CAMSAP2: variants seen among roughly 807,000 people sequenced by gnomAD.
CAMSAP2 encodes calmodulin regulated spectrin associated protein family member 2, also known as calmodulin-regulated spectrin-associated protein 2.
CAMSAP2 carries 26 observed loss-of-function variants against 146.1 expected under a neutral mutation model. The observed-to-expected ratio is 0.18, with a 90% CI of 0.13 to 0.25. The LOEUF is 0.25. Among genes scored for constraint, CAMSAP2 ranks in the 10% least tolerant of loss-of-function variants. The probability of loss-of-function intolerance (pLI) is 1.00; values close to 1 mark genes in which losing one functional copy is unlikely to be tolerated. For synonymous variants in CAMSAP2, 499 were observed against 596.6 expected, an observed-to-expected ratio of 0.84 and a Z score of 2.38; for missense variants, 1,381 against 1,759.3, an observed-to-expected ratio of 0.78 and a Z score of 3.85.
In CAMSAP2 at chr1:200,817,249, TATGTGTGTGTATATACACAC is replaced by T. The variant is rs1268152286; in HGVS notation, c.645+1608_645+1627del. Among the ~76,000 whole-genome samples the T allele has an allele frequency of 2.4e-3, 26 of 10,850 alleles. 1 individual carries two copies. Among genetic ancestry groups the T allele is most frequent in the African/African-American group, 5.6e-3 (15 of 2,700 alleles). 7.1% of individuals were successfully genotyped at this position (10,850 alleles called of 152,430 possible). Reference sequence around the variant, plus strand: ...GTGTGTATATACACACATACACACATATGTGTGTGTATATACACACATATATATATATTTTCCCAGAATTC... The same window carrying T: ...GTGTGTATATACACACATACACACATATATATATATATTTTCCCAGAATTC... On this transcript the variant is annotated intron_variant, in intron 4 of 16. Transcript: ENST00000358823.
rs1270755725 is a variant in CAMSAP2 at position 200,827,680 on chromosome 1, T to TTATTTTTCTAAATAA, written c.646-4511_646-4510insAAATAATATTTTTCT. Among the ~76,000 whole-genome samples the TTATTTTTCTAAATAA allele has an allele frequency of 2.3e-3, 353 of 152,230 alleles. 1 individual carries two copies. The highest frequency in any genetic ancestry group is 8.1e-3 in the African/African-American group (335 of 41,570). On this transcript the variant is annotated intron_variant, in intron 4 of 16. Transcript: ENST00000358823. ...AGTTCTTGAAAATACCTTATTTATA[T>TTATTTTTCTAAATAA]TATTTTTCTGTTTATACGGAAAAAC...
chr1:200,752,434 G>A (rs1474614811), intron 1 of CAMSAP2, among the ~76,000 whole-genome samples: 1 of 151,902 alleles, frequency 6.6e-6, no homozygotes, highest in East Asian at 1.9e-4. Context: ...ACTCTTATAT[G>A]TCTTTGTGTA....
intron 2 of CAMSAP2, among the ~76,000 whole-genome samples, chr1:200,799,851 C>T (rs1423474030): frequency 6.6e-6 from 1 of 152,148 alleles, no homozygotes; most frequent in East Asian, 1.9e-4. Flanking sequence ...TAGCTGTGTT[C>T]CAGAGATTCT....
chr1:200,821,436 AC>A (rs1292404395), intron 4 of CAMSAP2, among the ~76,000 whole-genome samples: 1 of 151,922 alleles, frequency 6.6e-6, no homozygotes, highest in Admixed American at 6.6e-5. Flanking sequence ...GCCTGCCTTG[AC>A]CTCCAAAGTG....
At chr1:200,831,645 A>G (rs1230232864) in intron 4 of CAMSAP2, among the ~76,000 whole-genome samples, 2 of 147,234 alleles carry the variant, frequency 1.4e-5, no homozygotes, top group African/African-American at 5.0e-5. Flanking sequence ...TTTTTTTTTC[A>G]CTTTCAAAGT....
At chr1:200,836,704 A>T (rs941349475) in intron 6 of CAMSAP2, among the ~76,000 whole-genome samples, 1 of 152,164 alleles carries the variant, frequency 6.6e-6, no homozygotes, top group African/African-American at 2.4e-5. Context: ...TTACACTCCT[A>T]CCAACAGTGT....
At chr1:200,816,776 GTGTA>G (rs1452351786) in intron 4 of CAMSAP2, among the ~76,000 whole-genome samples, 1 of 115,968 alleles carries the variant, frequency 8.6e-6, no homozygotes, top group Non-Finnish European at 1.8e-5. Context: ...ACACACACGC[GTGTA>G]TATATGTGTG....
At chr1:200,833,237 C>A (rs1667090505) in intron 6 of CAMSAP2, among the ~76,000 whole-genome samples, 1 of 151,840 alleles carries the variant, frequency 6.6e-6, no homozygotes, top group South Asian at 2.1e-4. Flanking sequence ...CTACAAGTTT[C>A]TTTTATAGTG....
At chr1:200,852,434 T>C in intron 11 of CAMSAP2, 107 bp from the exon 12 acceptor site, 1 of 1,265,896 alleles carries the variant, frequency 7.9e-7, no homozygotes, top group Non-Finnish European at 1.1e-6. Context: ...TTGTAATAGT[T>C]CAAACTTTCA....
intron 2 of CAMSAP2, among the ~76,000 whole-genome samples, chr1:200,803,495 C>T (rs1383301156): frequency 2.0e-5 from 3 of 151,960 alleles, no homozygotes; most frequent in African/African-American, 7.2e-5. Context: ...ATCATAGCTC[C>T]AAACTGATTG....
chr1:200,826,580 A>AACGG (rs1666912673), intron 4 of CAMSAP2, among the ~76,000 whole-genome samples: 17 of 152,190 alleles, frequency 1.1e-4, no homozygotes, highest in Non-Finnish European at 1.5e-5. Context: ...GCCTGAGAGC[A>AACGG]CCTAGAAGTA....
chr1:200,752,703 C>T (rs1664541332), intron 1 of CAMSAP2, among the ~76,000 whole-genome samples: 1 of 151,778 alleles, frequency 6.6e-6, no homozygotes, highest in African/African-American at 2.4e-5. Flanking sequence ...CTGCAAGCTC[C>T]ACCTCCCAGG....
intron 4 of CAMSAP2, among the ~76,000 whole-genome samples, chr1:200,826,061 C>T (rs1444485377): frequency 1.3e-5 from 2 of 152,008 alleles, no homozygotes; most frequent in African/African-American, 4.8e-5. Context: ...TGACGAAATC[C>T]CCTCCAAAAG....
chr1:200,759,796 A>G (rs1368273113), intron 1 of CAMSAP2, among the ~76,000 whole-genome samples: 1 of 152,118 alleles, frequency 6.6e-6, no homozygotes, highest in African/African-American at 2.4e-5. Flanking sequence ...CAGAAGCCCT[A>G]CCTCTGGGGG....
intron 8 of CAMSAP2, among the ~76,000 whole-genome samples, 173 bp downstream of exon 8, chr1:200,845,042 C>T (rs987117399): frequency 1.3e-5 from 2 of 152,052 alleles, no homozygotes; most frequent in Admixed American, 6.5e-5. Context: ...TTGAAATATA[C>T]ACTGAAATGA....
At chr1:200,777,470 T>C (rs1360092005) in intron 2 of CAMSAP2, among the ~76,000 whole-genome samples, 1 of 152,226 alleles carries the variant, frequency 6.6e-6, no homozygotes, top group East Asian at 1.9e-4. Context: ...ATTGCCTTTT[T>C]TTCCTCCCTG....
intron 2 of CAMSAP2, among the ~76,000 whole-genome samples, chr1:200,766,806 C>G (rs1664966370): frequency 6.6e-6 from 1 of 152,146 alleles, no homozygotes; most frequent in Non-Finnish European, 1.5e-5. Context: ...GGTGTGCCAC[C>G]TGGAACTCTG....
intron 11 of CAMSAP2, among the ~76,000 whole-genome samples, chr1:200,851,551 A>G (rs975206701): frequency 2.0e-5 from 3 of 152,154 alleles, no homozygotes; most frequent in African/African-American, 7.2e-5. Context: ...AAACTACAAT[A>G]TATGTAATTT....
rs1026087349 is a variant in CAMSAP2 at position 200,746,829 on chromosome 1, A to G, written c.139+6863A>G. 3.3e-5 allele frequency among the ~76,000 whole-genome samples: 5 copies of G among 152,078 alleles called. 1 individual carries two copies. Among genetic ancestry groups the G allele is most frequent in the South Asian group, 4.2e-4 (2 of 4,812 alleles). On this transcript the variant is annotated intron_variant, in intron 1 of 16. Coordinates refer to ENST00000358823, the MANE Select transcript of CAMSAP2 (RefSeq NM_203459.4). ...GAGACGGGGTTTCACCGTGTTAGCCAGGATGGTCTTGATCTCCCGACCTCG... is the reference window on the plus strand; with the variant it reads ...GAGACGGGGTTTCACCGTGTTAGCCGGGATGGTCTTGATCTCCCGACCTCG...
Sources: gnomAD v4.1 joint callset for allele counts (sites outside exome capture counted in the v4.1 genomes callset) on GRCh38, gnomAD v4.1.1 for gene constraint, MANE v1.5 for transcripts, NCBI Gene and HGNC (gene_info 2026-07-23, HGNC 2026-07-21) for gene names.